The following RNF19A variants were observed in gnomAD, a reference collection of about 807,000 sequenced individuals.
The protein encoded by RNF19A is E3 ubiquitin-protein ligase RNF19A.
Under a neutral mutation model 75.7 loss-of-function variants are expected in RNF19A, and 32 were observed. The observed-to-expected ratio is 0.42, with a 90% CI of 0.32 to 0.57. The LOEUF (loss-of-function observed/expected upper bound fraction) is 0.57, where lower values mean the gene tolerates loss of function less well. Ranked by LOEUF, RNF19A falls within the 20% of genes least tolerant of loss-of-function variation. The probability of loss-of-function intolerance (pLI) is 0.10; values close to 1 mark genes in which losing one functional copy is unlikely to be tolerated. For missense variants in RNF19A, 782 were observed against 1,036.3 expected (o/e 0.75, Z 3.37); for synonymous variants, 335 against 345.2 (o/e 0.97, Z 0.33).
intron 1 of RNF19A, among the ~76,000 whole-genome samples, chr8:100,300,857 C>G (rs948724441): frequency 3.3e-5 from 5 of 152,006 alleles, no homozygotes; most frequent in African/African-American, 1.2e-4. Flanking sequence ...CAAGAAGATA[C>G]AAAGAGTGAA....
chr8:100,288,594 C>A (rs1272919932), intron 1 of RNF19A, among the ~76,000 whole-genome samples: 1 of 152,192 alleles, frequency 6.6e-6, no homozygotes, highest in East Asian at 1.9e-4. Flanking sequence ...ATCAAGTATA[C>A]ATGCAAATAC....
chr8:100,289,426 T>TA (rs1348285482), intron 1 of RNF19A, among the ~76,000 whole-genome samples: 1 of 152,138 alleles, frequency 6.6e-6, no homozygotes, highest in Non-Finnish European at 1.5e-5. Context: ...ATATAACTAA[T>TA]AAAGGCACAG....
intron 1 of RNF19A, among the ~76,000 whole-genome samples, chr8:100,304,258 G>C (rs1821972131): frequency 6.6e-6 from 1 of 152,104 alleles, no homozygotes; most frequent in African/African-American, 2.4e-5. Context: ...CACCATGCCT[G>C]ACAAAAGTTG....
Position 100,333,627 on chromosome 8 carries a change from G to A in RNF19A, c.-243+2481C>T, listed in dbSNP as rs1015571148. 1.3e-5 allele frequency among the ~76,000 whole-genome samples: 2 copies of A among 152,088 alleles called. No homozygotes were observed. Among genetic ancestry groups the A allele is most frequent in the African/African-American group, 4.8e-5 (2 of 41,396 alleles). ...CTTTTACTTTTCTGTGTGTTGCCTG[G>A]GCAACATAGCAAGAGCCCATCTCTA... On this transcript the variant is annotated intron_variant, in intron 1 of 3. Coordinates refer to the RNF19A transcript ENST00000519527. The surrounding 1 kb of genome is among the most constrained non-coding windows in gnomAD (Gnocchi z 4.7).
In RNF19A at chr8:100,261,206, T is replaced by G. The variant is rs1000202932; in HGVS notation, c.1682+336A>C. 7.2e-5 allele frequency among the ~76,000 whole-genome samples: 11 copies of G among 152,068 alleles called. No individual in the cohort carries two copies. The highest frequency in any genetic ancestry group is 2.7e-4 in the African/African-American group (11 of 41,408). On this transcript the variant is annotated intron_variant, in intron 8 of 9. Transcript: ENST00000341084. This position sits in a 1 kb window ranked among gnomAD's most constrained non-coding sequence, Gnocchi z 4.4. The stretch of plus-strand genomic sequence containing the variant: ...AACTCCCAGGCTCAAGTGATCCTCC[T>G]ACCTCAGCCTCCCGACCAGCTGGGA...
intron 1 of RNF19A, among the ~76,000 whole-genome samples, chr8:100,296,385 G>A (rs568956286): frequency 2.0e-5 from 3 of 152,312 alleles, no homozygotes; most frequent in East Asian, 1.9e-4. Flanking sequence ...GATTACAGGC[G>A]TAAGCCACCA....
At chr8:100,293,648 T>A (rs940520085) in intron 1 of RNF19A, among the ~76,000 whole-genome samples, 3 of 152,206 alleles carry the variant, frequency 2.0e-5, no homozygotes, top group Non-Finnish European at 4.4e-5. Context: ...TTAAACCAAA[T>A]ACAGGAATTC....
intron 1 of RNF19A, among the ~76,000 whole-genome samples, chr8:100,295,331 C>T (rs1173662384): frequency 2.6e-5 from 4 of 152,020 alleles, no homozygotes; most frequent in Admixed American, 2.0e-4. Context: ...CTCTATTTTT[C>T]GTAGTTACAA....
chr8:100,278,756 T>A (rs1376105973), intron 2 of RNF19A, among the ~76,000 whole-genome samples: 1 of 152,106 alleles, frequency 6.6e-6, no homozygotes, highest in Non-Finnish European at 1.5e-5. Context: ...ACCTAATTTT[T>A]AATTAATGAT....
intron 1 of RNF19A, among the ~76,000 whole-genome samples, chr8:100,297,217 A>G (rs1586667030): frequency 6.6e-6 from 1 of 152,236 alleles, no homozygotes; most frequent in African/African-American, 2.4e-5. Flanking sequence ...CCAATGTGAA[A>G]GAAAGCAATG....
chr8:100,294,540 C>G (rs1290405095), intron 1 of RNF19A, among the ~76,000 whole-genome samples: 3 of 152,060 alleles, frequency 2.0e-5, no homozygotes, highest in African/African-American at 7.2e-5. Flanking sequence ...ACCATAACTC[C>G]CTCCTTTCTG....
chr8:100,327,660 G>A (rs891875374), intron 1 of RNF19A, among the ~76,000 whole-genome samples: 1 of 152,168 alleles, frequency 6.6e-6, no homozygotes, highest in Admixed American at 6.5e-5. Flanking sequence ...ATCCTGAGTG[G>A]ATGGTCCCTC....
chr8:100,316,170 G>A (rs377160499), intron 1 of RNF19A, among the ~76,000 whole-genome samples: 5 of 152,016 alleles, frequency 3.3e-5, no homozygotes, highest in South Asian at 4.2e-4. Context: ...TTAAGACGGC[G>A]TGTCTGGAGT....
At chr8:100,270,729 CATT>C in intron 3 of RNF19A, among the ~76,000 whole-genome samples, 1 of 152,182 alleles carries the variant, frequency 6.6e-6, no homozygotes, top group African/African-American at 2.4e-5. Flanking sequence ...TAAAAGCAAT[CATT>C]GTTAGTTATG....
chr8:100,265,481 G>A (rs1819927739), intron 5 of RNF19A, among the ~76,000 whole-genome samples: 3 of 152,082 alleles, frequency 2.0e-5, no homozygotes, highest in African/African-American at 7.2e-5. Context: ...TCATAGAAGC[G>A]GTGATTAAAA....
upstream of RNF19A, among the ~76,000 whole-genome samples, chr8:100,314,878 G>A (rs1044721063): frequency 1.3e-5 from 2 of 152,160 alleles, no homozygotes; most frequent in African/African-American, 4.8e-5. This position sits in a 1 kb window ranked among gnomAD's most constrained non-coding sequence, Gnocchi z 4.1. Context: ...GACACCTAGT[G>A]AGAGAAAGAG....
rs2129923977 is a variant in RNF19A, at chr8:100,287,006, G to C, written c.674+495C>G. Among the ~76,000 whole-genome samples the C allele has an allele frequency of 6.6e-6, 1 of 152,216 alleles. No homozygotes were observed. The highest frequency in any genetic ancestry group is 3.4e-3 in the Middle Eastern group (1 of 294). On this transcript the variant is annotated intron_variant, in intron 2 of 9. Coordinates refer to ENST00000341084, the MANE Select transcript of RNF19A (RefSeq NM_183419.4). This position sits in a 1 kb window ranked among gnomAD's most constrained non-coding sequence, Gnocchi z 4.1. Reference sequence around the variant, plus strand: ...CCCCTAGAACTTGAGACTAGCAAATGCTTATGTATATCAACATGAACACAT... The same window carrying C: ...CCCCTAGAACTTGAGACTAGCAAATCCTTATGTATATCAACATGAACACAT...
intron 2 of RNF19A, among the ~76,000 whole-genome samples, chr8:100,285,802 AT>A (rs576880414): frequency 6.6e-6 from 1 of 151,702 alleles, no homozygotes; most frequent in African/African-American, 2.4e-5. Flanking sequence ...CCAGTTGTAG[AT>A]TTTTTTTAAG....
chr8:100,311,682 C>T (rs1049626772), upstream of RNF19A, among the ~76,000 whole-genome samples: 21 of 133,622 alleles, frequency 1.6e-4, no homozygotes, highest in Non-Finnish European at 3.2e-4. Flanking sequence ...CTCGCCACTG[C>T]ACTCCAGCCT....
Sources: allele counts gnomAD v4.1 joint callset (sites outside exome capture counted in the v4.1 genomes callset), GRCh38; gene constraint gnomAD v4.1.1; non-coding constraint Gnocchi (gnomAD v3.1); transcripts MANE v1.5; gene names NCBI Gene and HGNC (gene_info 2026-07-23, HGNC 2026-07-21).